The following DNAH2 variants were observed in gnomAD, a reference collection of about 807,000 sequenced individuals.
DNAH2 encodes axonemal beta dynein heavy chain 2.
Under a neutral mutation model 523.5 loss-of-function variants are expected in DNAH2, and 323 were observed. That is an observed-to-expected ratio of 0.62 (90% CI 0.56 to 0.68). The LOEUF is 0.68. DNAH2 is among the 30% of genes least tolerant of loss of function. The pLI is 0.00. For synonymous variants in DNAH2, 2,093 were observed against 2,177.4 expected (o/e 0.96, Z 1.08); for missense variants, 4,907 against 5,701.5 (o/e 0.86, Z 4.49).
intron 18 of DNAH2, 67 bp from the exon 19 acceptor site, chr17:7,763,764 C>A: frequency 6.3e-7 from 1 of 1,583,732 alleles, no homozygotes; most frequent in Non-Finnish European, 8.6e-7. Flanking sequence ...ACCTGCAGCC[C>A]GTGTGGGGAC....
chr17:7,737,305 G>A lies in DNAH2; in HGVS notation c.1170+47G>A, dbSNP rs199714017. 126 of 1,584,768 alleles carry A rather than the reference G, an allele frequency of 8.0e-5. No individual in the cohort carries two copies. In the African/African-American group the frequency reaches 1.3e-3, roughly 17 times the overall value. On this transcript the variant is annotated intron_variant, in intron 8 of 85. Coordinates refer to ENST00000572933, the MANE Select transcript of DNAH2 (RefSeq NM_020877.5). Reference sequence around the variant, plus strand: ...GATGGAGGGGTTTATGAGGGTGGCCGGGTTTTCTGAAGCAGGGGGAATGCA... The same window carrying A: ...GATGGAGGGGTTTATGAGGGTGGCCAGGTTTTCTGAAGCAGGGGGAATGCA...
chr17:7,779,357 T>C lies in DNAH2; in HGVS notation c.5656T>C (p.Phe1886Leu). 6.2e-7 allele frequency: 1 copy of C among 1,614,134 alleles called. No individual in the cohort carries two copies. Among genetic ancestry groups the C allele is most frequent in the Non-Finnish European group, 8.5e-7 (1 of 1,180,008 alleles). Reference protein sequence around the residue: ...LSALAAGLTHFHFDGFEINLV... With the variant: ...LSALAAGLTHLHFDGFEINLV... ...TGCCCTGGCTGCCGGCCTCACCCAT[T>C]TCCATTTTGATGGCTTTGAAATAAA... The change falls in exon 36 of 86, where the codon TTC becomes CTC. Residue 1886 changes from phenylalanine to leucine, a missense_variant. Transcript: ENST00000572933.
chr17:7,730,368 C>G lies in DNAH2; in HGVS notation c.400-2719C>G, dbSNP rs534969793. Among the ~76,000 whole-genome samples the G allele has an allele frequency of 2.3e-4, 35 of 152,264 alleles. No individual in the cohort carries two copies. In the East Asian group the frequency reaches 6.2e-3, roughly 27 times the overall value. ...ACATTAACACAATTAGAGAAGCTAACAGATACGAAAGACTAACATAGATGA... is the reference window on the plus strand; with the variant it reads ...ACATTAACACAATTAGAGAAGCTAAGAGATACGAAAGACTAACATAGATGA... On this transcript the variant is annotated intron_variant, in intron 4 of 85. Transcript: ENST00000572933.
chr17:7,770,036 C>A (rs1431254541), intron 24 of DNAH2, among the ~76,000 whole-genome samples: 1 of 152,222 alleles, frequency 6.6e-6, no homozygotes, highest in East Asian at 1.9e-4. Flanking sequence ...TGTGGGCACA[C>A]CTGCCTTAAC....
intron 11 of DNAH2, among the ~76,000 whole-genome samples, chr17:7,741,293 T>TTC (rs1567624823): frequency 1.0e-3 from 62 of 61,590 alleles, no homozygotes; most frequent in Middle Eastern, 7.1e-3. Context: ...TTTCTTTCTT[T>TTC]CTTCCTTCCT....
intron 4 of DNAH2, among the ~76,000 whole-genome samples, chr17:7,728,453 G>A (rs997994811): frequency 1.3e-5 from 2 of 152,118 alleles, no homozygotes; most frequent in African/African-American, 4.8e-5. Context: ...TTGAACATGG[G>A]CAGAAGAACT....
At position 7,833,393 on chromosome 17, in the gene DNAH2, C is replaced by T. The variant is rs1380873608; in HGVS notation, c.13144C>T (p.Pro4382Ser). ...KKSAKGMYSC[P>S]CYYYPNRAGS... ...CTTTCCCCCAGGCATGTACTCCTGC[C>T]CCTGCTATTACTATCCCAACCGGGC... Residue 4382 changes from proline to serine, a missense_variant, in exon 86 of 86, where the codon CCC becomes TCC. Pro to Ser is a moderately conservative substitution (Grantham distance 74). Coordinates refer to ENST00000572933, the MANE Select transcript of DNAH2 (RefSeq NM_020877.5). The T allele has an allele frequency of 6.2e-7, 1 of 1,614,004 alleles. No homozygotes were observed. Among genetic ancestry groups the T allele is most frequent in the Admixed American group, 1.7e-5 (1 of 60,006 alleles).
chr17:7,781,276 A>G, intron 39 of DNAH2, 109 bp downstream of exon 39: 1 of 1,292,058 alleles, frequency 7.7e-7, no homozygotes, highest in East Asian at 2.3e-5. Flanking sequence ...GGAGTTTGAG[A>G]CTAGCCTGGG....
rs755862690 is a variant in DNAH2 at position 7,786,367 on chromosome 17, A to C, written c.6348+25A>C. The C allele has an allele frequency of 1.2e-6, 2 of 1,603,768 alleles. No individual in the cohort carries two copies. Among genetic ancestry groups the C allele is most frequent in the African/African-American group, 1.3e-5 (1 of 74,948 alleles). ...AGTACGGGGCTGGGACAGTGGAGTCAGTGGGCAGAGACTTGAGTAGTAAGA... is the reference window on the plus strand; with the variant it reads ...AGTACGGGGCTGGGACAGTGGAGTCCGTGGGCAGAGACTTGAGTAGTAAGA... On this transcript the variant is annotated intron_variant, in intron 40 of 85. Coordinates refer to ENST00000572933, the MANE Select transcript of DNAH2 (RefSeq NM_020877.5). The surrounding 1 kb of genome is among the most constrained non-coding windows in gnomAD (Gnocchi z 7.5).
intron 4 of DNAH2, among the ~76,000 whole-genome samples, chr17:7,732,538 T>C (rs1054585625): frequency 2.6e-5 from 4 of 151,940 alleles, no homozygotes; most frequent in Non-Finnish European, 4.4e-5. Context: ...ATGGCCTTTC[T>C]AAATATGTAG....
At chr17:7,829,566 C>A (rs191977296) in intron 77 of DNAH2, among the ~76,000 whole-genome samples, 1 of 151,782 alleles carries the variant, frequency 6.6e-6, no homozygotes, top group South Asian at 2.1e-4. Flanking sequence ...GACTGTTCTT[C>A]CTTGATGATA....
chr17:7,818,827 G>A, intron 70 of DNAH2, 51 bp downstream of exon 70: 1 of 1,611,836 alleles, frequency 6.2e-7, no homozygotes, highest in Non-Finnish European at 8.5e-7. Flanking sequence ...CTCCCAGCCA[G>A]CCTCCACCCA....
Position 7,819,045 on chromosome 17 carries a change from C to CA in DNAH2, c.10798dup (p.Thr3600AsnfsTer2), listed in dbSNP as rs2077774488. On this transcript the variant is annotated frameshift_variant, in exon 71 of 86. Transcript: ENST00000572933. LOFTEE classifies it high-confidence loss of function. ...AGACCAGTGAGACCACAGAGATCAA[C>CA]ACTGACTTGGCGCGGGAGGTAAGCT... 6.2e-7 allele frequency: 1 copy of CA among 1,607,798 alleles called. No individual in the cohort carries two copies. The highest frequency in any genetic ancestry group is 1.1e-5 in the South Asian group (1 of 90,910).
rs1474413718 is a variant in DNAH2 at position 7,759,845 on chromosome 17, A to G, written c.2692A>G (p.Asn898Asp). The part of the protein sequence containing the change: ...TLAGVVNDIG[N>D]HLFSTISVFC... ...GGCAGGTGTGGTCAATGACATTGGC[A>G]ACCACCTCTTTTCCACCATCTCTGT... The change falls in exon 17 of 86, where the codon AAC becomes GAC. Residue 898 changes from asparagine to aspartate, a missense_variant. Asn to Asp is a conservative substitution (Grantham distance 23). Transcript: ENST00000572933. 1.9e-6 allele frequency: 3 copies of G among 1,614,074 alleles called. No homozygotes were observed. Among genetic ancestry groups the G allele is most frequent in the Admixed American group, 3.3e-5 (2 of 59,992 alleles).
chr17:7,827,724 G>A (rs966689864), intron 77 of DNAH2, among the ~76,000 whole-genome samples: 7 of 150,312 alleles, frequency 4.7e-5, no homozygotes, highest in African/African-American at 4.9e-5. Flanking sequence ...GGGATTACAC[G>A]CATCAGCCAC....
intron 15 of DNAH2, 65 bp from the exon 16 acceptor site, chr17:7,759,357 T>G: frequency 6.5e-7 from 1 of 1,545,102 alleles, no homozygotes; most frequent in Non-Finnish European, 8.7e-7. Context: ...TGGCTGGTTC[T>G]CACTTCCCAG....
chr17:7,764,614 C>G (rs2076102981), intron 20 of DNAH2, among the ~76,000 whole-genome samples: 1 of 151,616 alleles, frequency 6.6e-6, no homozygotes, highest in Non-Finnish European at 1.5e-5. Flanking sequence ...GCACACGCCA[C>G]CACGCCTTGC....
Position 7,796,481 on chromosome 17 carries a change from C to T in DNAH2, c.7692C>T (p.Arg2564=). The change falls in exon 50 of 86, where the codon CGC becomes CGT. Residue 2564 remains arginine, a synonymous_variant. Transcript: ENST00000572933. ...GTTTCTAGAAGTCCCAGATCATCCGCATATTCGGCACCATGATCAATCAGA... is the reference window on the plus strand; with the variant it reads ...GTTTCTAGAAGTCCCAGATCATCCGTATATTCGGCACCATGATCAATCAGA... ...MTFPTKSQII[R]IFGTMINQKL... The T allele has an allele frequency of 6.2e-7, 1 of 1,613,896 alleles. No homozygotes were observed. The highest frequency in any genetic ancestry group is 8.5e-7 in the Non-Finnish European group (1 of 1,179,990).
At chr17:7,739,490 T>C (rs2075242810) in intron 8 of DNAH2, among the ~76,000 whole-genome samples, 1 of 152,270 alleles carries the variant, frequency 6.6e-6, no homozygotes, top group Non-Finnish European at 1.5e-5. Flanking sequence ...CCGCTTTTTC[T>C]GGCATTTGCC....
Sources: gnomAD v4.1 joint callset for allele counts (sites outside exome capture counted in the v4.1 genomes callset) on GRCh38, gnomAD v4.1.1 for gene constraint, Gnocchi (gnomAD v3.1) non-coding constraint, MANE v1.5 for transcripts, NCBI Gene and HGNC (gene_info 2026-07-23, HGNC 2026-07-21) for gene names.